GRID2: variants seen among roughly 807,000 people sequenced by gnomAD.
The protein encoded by GRID2 is glutamate receptor ionotropic, delta-2.
Under a neutral mutation model 114.8 loss-of-function variants are expected in GRID2, and 33 were observed. That is an observed-to-expected ratio of 0.29 (90% CI 0.22 to 0.38). The LOEUF (loss-of-function observed/expected upper bound fraction) is 0.38, where lower values mean the gene tolerates loss of function less well. GRID2 is among the 10% of genes least tolerant of loss of function. The pLI is 1.00. For synonymous variants in GRID2, 505 were observed against 449.9 expected (o/e 1.12, Z -1.55); for missense variants, 1,184 against 1,257.7 (o/e 0.94, Z 0.89).
intron 2 of GRID2, among the ~76,000 whole-genome samples, chr4:92,939,785 G>A (rs201740831): frequency 2.0e-5 from 3 of 147,086 alleles, no homozygotes; most frequent in Non-Finnish European, 4.5e-5. Context: ...TCTACATATG[G>A]CTAGCCAGTT....
At chr4:93,623,383 T>C (rs888794918) in intron 13 of GRID2, among the ~76,000 whole-genome samples, 2 of 152,036 alleles carry the variant, frequency 1.3e-5, no homozygotes, top group Non-Finnish European at 2.9e-5. Context: ...GTTCATGTGG[T>C]GTTTGGTTTT....
At chr4:92,603,513 G>T (rs1209672279) in intron 2 of GRID2, among the ~76,000 whole-genome samples, 3 of 151,746 alleles carry the variant, frequency 2.0e-5, no homozygotes, top group African/African-American at 2.4e-5. Flanking sequence ...ACTGAAACTG[G>T]ACCCCTTTCT....
intron 2 of GRID2, among the ~76,000 whole-genome samples, chr4:92,768,281 T>C (rs746309425): frequency 1.3e-5 from 2 of 152,194 alleles, no homozygotes; most frequent in Admixed American, 6.5e-5. Context: ...AAAGAACATA[T>C]ACTGTTTATA....
At chr4:93,349,046 C>T (rs1005983573) in intron 8 of GRID2, among the ~76,000 whole-genome samples, 7 of 152,042 alleles carry the variant, frequency 4.6e-5, no homozygotes, top group African/African-American at 7.2e-5. Flanking sequence ...TTCACATCTT[C>T]GCTTGATAGA....
intron 1 of GRID2, among the ~76,000 whole-genome samples, chr4:92,309,086 A>G (rs969227703): frequency 2.0e-5 from 3 of 152,174 alleles, no homozygotes; most frequent in African/African-American, 4.8e-5. Context: ...TGAAATGTAC[A>G]TCCACTAAAT....
chr4:93,381,060 T>C (rs891341338), intron 8 of GRID2, among the ~76,000 whole-genome samples: 26 of 152,106 alleles, frequency 1.7e-4, no homozygotes, highest in African/African-American at 6.0e-4. Context: ...AAAAAAATTT[T>C]ATTGTGGTAA....
chr4:92,449,675 T>TTATATATATA (rs1560638476), intron 1 of GRID2, among the ~76,000 whole-genome samples: 2 of 43,004 alleles, frequency 4.7e-5, no homozygotes, highest in Admixed American at 2.8e-4. Context: ...CTTTTCTTAC[T>TTATATATATA]GATATATATA....
chr4:93,764,761 A>G (rs1381314933), intron 14 of GRID2, among the ~76,000 whole-genome samples: 2 of 152,198 alleles, frequency 1.3e-5, no homozygotes, highest in African/African-American at 4.8e-5. Flanking sequence ...ATACTTCAGC[A>G]CTTCAATCCC....
intron 2 of GRID2, among the ~76,000 whole-genome samples, chr4:92,690,657 A>G (rs1337206999): frequency 6.6e-6 from 1 of 152,222 alleles, no homozygotes; most frequent in Non-Finnish European, 1.5e-5. Flanking sequence ...AGTGCAATCA[A>G]ACAAATTATA....
At chr4:92,926,476 A>ATATAAAT in intron 2 of GRID2, among the ~76,000 whole-genome samples, 1 of 152,072 alleles carries the variant, frequency 6.6e-6, no homozygotes, top group East Asian at 1.9e-4. Context: ...AATTTCACAT[A>ATATAAAT]TTCTTTGATT....
chr4:92,899,284 T>A (rs1221100543), intron 2 of GRID2, among the ~76,000 whole-genome samples: 2 of 152,170 alleles, frequency 1.3e-5, no homozygotes, highest in African/African-American at 4.8e-5. Flanking sequence ...ATTTGCTTGT[T>A]TGCATATTTC....
chr4:93,395,192 C>T (rs914094286), intron 8 of GRID2, among the ~76,000 whole-genome samples: 3 of 151,650 alleles, frequency 2.0e-5, no homozygotes, highest in Non-Finnish European at 4.4e-5. Flanking sequence ...TCTTTTTTCC[C>T]AGTAAAAGCC....
At chr4:92,875,100 G>A (rs908889146) in intron 2 of GRID2, among the ~76,000 whole-genome samples, 2 of 148,712 alleles carry the variant, frequency 1.3e-5, no homozygotes, top group Non-Finnish European at 3.0e-5. Flanking sequence ...CAAGGAACTA[G>A]AGGTAGCAAC....
At chr4:92,983,974 C>T (rs921711041) in intron 2 of GRID2, among the ~76,000 whole-genome samples, 2 of 152,158 alleles carry the variant, frequency 1.3e-5, no homozygotes, top group African/African-American at 4.8e-5. Flanking sequence ...GTGCCGATAA[C>T]TCAACATGTA....
chr4:92,459,419 C>T (rs1006029438), intron 1 of GRID2, among the ~76,000 whole-genome samples: 3 of 152,124 alleles, frequency 2.0e-5, no homozygotes, highest in Admixed American at 2.0e-4. Context: ...TCCATAACCA[C>T]TTTGTTTGCA....
intron 1 of GRID2, among the ~76,000 whole-genome samples, chr4:92,449,676 G>GATATATATAT (rs371209786): frequency 0.077 from 7,369 of 96,172 alleles, 446 homozygotes; most frequent in South Asian, 0.088. Context: ...TTTTCTTACT[G>GATATATATAT]ATATATATAT....
chr4:92,528,671 C>T (rs559959407), intron 1 of GRID2, among the ~76,000 whole-genome samples: 27 of 151,788 alleles, frequency 1.8e-4, no homozygotes, highest in African/African-American at 6.0e-4. Context: ...TACATACATG[C>T]GGGGAAAGCC....
intron 2 of GRID2, among the ~76,000 whole-genome samples, chr4:92,883,682 C>T (rs867141208): frequency 6.6e-6 from 1 of 152,054 alleles, no homozygotes; most frequent in African/African-American, 2.4e-5. Context: ...ATATCTTTAG[C>T]GGATGTCTTG....
intron 1 of GRID2, among the ~76,000 whole-genome samples, chr4:92,530,735 TAAAA>T (rs143078058): frequency 0.43 from 54,583 of 126,350 alleles, 11,579 homozygotes; most frequent in East Asian, 0.64. Context: ...CCCCCTCTAC[TAAAA>T]AAAAAAAAAA....
Sources: allele counts gnomAD v4.1 joint callset (sites outside exome capture counted in the v4.1 genomes callset), GRCh38; gene constraint gnomAD v4.1.1; transcripts MANE v1.5; gene names NCBI Gene and HGNC (gene_info 2026-07-23, HGNC 2026-07-21).